The following BRINP2 variants were observed in gnomAD, a reference collection of about 807,000 sequenced individuals.
BRINP2 encodes BMP/retinoic acid inducible neural specific 2, also known as BMP/retinoic acid-inducible neural-specific protein 2.
A neutral mutation model predicts 69.2 loss-of-function variants in BRINP2; 21 were observed. The observed-to-expected ratio is 0.30, with a 90% CI of 0.22 to 0.44. The LOEUF is 0.44. Among genes scored for constraint, BRINP2 ranks in the 20% least tolerant of loss-of-function variants. BRINP2 has a pLI of 1.00. For synonymous variants in BRINP2, 380 were observed against 394.1 expected, an observed-to-expected ratio of 0.96 and a Z score of 0.42; for missense variants, 877 against 986.0, an observed-to-expected ratio of 0.89 and a Z score of 1.48.
chr1:177,237,430 T>C (rs551693436), intron 2 of BRINP2, among the ~76,000 whole-genome samples: 5 of 152,200 alleles, frequency 3.3e-5, no homozygotes, highest in Non-Finnish European at 7.3e-5. Flanking sequence ...ACAGATTTGG[T>C]CTATGGATGC....
intron 2 of BRINP2, among the ~76,000 whole-genome samples, chr1:177,242,511 C>T: frequency 6.6e-6 from 1 of 152,294 alleles, no homozygotes; most frequent in East Asian, 1.9e-4. Context: ...CCCAAAAGCT[C>T]TTTATCTCCT....
chr1:177,215,663 T>A (rs1451727363), intron 1 of BRINP2, among the ~76,000 whole-genome samples: 4 of 152,212 alleles, frequency 2.6e-5, no homozygotes, highest in Admixed American at 6.6e-5. Context: ...TTTCTTTTTT[T>A]AAAATGTTTA....
chr1:177,225,876 C>G (rs1649676604), intron 1 of BRINP2, among the ~76,000 whole-genome samples: 1 of 152,182 alleles, frequency 6.6e-6, no homozygotes, highest in Non-Finnish European at 1.5e-5. Context: ...AAGCGGAAAC[C>G]ATATGATTCC....
Position 177,281,315 on chromosome 1 carries a change from G to T in BRINP2, c.2139G>T (p.Gln713His). ...ACTACCCATATACTCAAGGTTCCCA[G>T]GACTCTGCACTCTTGCAGCTCATTG... The part of the protein sequence containing the change: ...QLDYPYTQGS[Q>H]DSALLQLIEL... Residue 713 changes from glutamine (Q) to histidine (H), a missense_variant, in exon 8 of 8, where the codon CAG becomes CAT. This residue lies in a region of BRINP2 where 225 missense variants were observed against 218.7 expected (regional missense o/e 1.03). Coordinates refer to ENST00000361539, the MANE Select transcript of BRINP2 (RefSeq NM_021165.4). 1.2e-6 allele frequency: 2 copies of T among 1,614,140 alleles called. No homozygotes were observed. Among genetic ancestry groups the T allele is most frequent in the Non-Finnish European group, 1.7e-6 (2 of 1,180,022 alleles).
intron 1 of BRINP2, among the ~76,000 whole-genome samples, chr1:177,202,473 T>C (rs187933610): frequency 1.3e-5 from 2 of 152,322 alleles, no homozygotes. Context: ...AATAGTCATT[T>C]AGGAGCAGGT....
intron 4 of BRINP2, among the ~76,000 whole-genome samples, chr1:177,262,838 G>T (rs1256788472): frequency 6.6e-6 from 1 of 152,150 alleles, no homozygotes; most frequent in Non-Finnish European, 1.5e-5. Context: ...TAAGAGTGTT[G>T]GTTGGCTAGA....
intron 1 of BRINP2, among the ~76,000 whole-genome samples, chr1:177,184,809 TA>T (rs1648381280): frequency 2.0e-5 from 3 of 152,152 alleles, no homozygotes; most frequent in Admixed American, 6.5e-5. Context: ...ACTAGAAAGT[TA>T]ACAAGAATCT....
At chr1:177,258,463 A>T (rs1650840759) in intron 4 of BRINP2, among the ~76,000 whole-genome samples, 1 of 152,258 alleles carries the variant, frequency 6.6e-6, no homozygotes, top group South Asian at 2.1e-4. Flanking sequence ...GCCCTGATAA[A>T]GCTTGAATTC....
Position 177,269,998 on chromosome 1 carries a change from T to G in BRINP2, c.670-3490T>G, listed in dbSNP as rs866619275. On this transcript the variant is annotated intron_variant, in intron 4 of 7. Coordinates refer to ENST00000361539, the MANE Select transcript of BRINP2 (RefSeq NM_021165.4). ...CTCTTTATAATCTGCCAAAGCTGTC[T>G]GCCTCTTCTACAAAGAAAAGTGCAG... is the stretch of plus-strand genomic sequence containing the variant. Among the ~76,000 whole-genome samples the G allele has an allele frequency of 2.7e-5, 4 of 148,624 alleles. No homozygotes were observed. In the South Asian group the frequency reaches 8.6e-4, roughly 32 times the overall value.
intron 1 of BRINP2, among the ~76,000 whole-genome samples, chr1:177,226,189 G>C (rs1340911781): frequency 1.3e-5 from 2 of 152,214 alleles, no homozygotes; most frequent in Admixed American, 1.3e-4. Context: ...CCACCATATT[G>C]CAACACAGGA....
chr1:177,232,528 G>A (rs527944651), intron 2 of BRINP2, among the ~76,000 whole-genome samples: 7 of 152,138 alleles, frequency 4.6e-5, no homozygotes, highest in Admixed American at 1.3e-4. Flanking sequence ...GTCACACACC[G>A]CTGCTTCAGG....
chr1:177,216,412 G>A (rs529671139), intron 1 of BRINP2, among the ~76,000 whole-genome samples: 6 of 152,002 alleles, frequency 3.9e-5, no homozygotes, highest in African/African-American at 1.4e-4. Context: ...TTATGTTTTT[G>A]ATGTCTGAAT....
chr1:177,243,974 G>T lies in BRINP2; in HGVS notation c.270-11945G>T, dbSNP rs181332212. ...TATGTTTAAATGCAGAGGAAGCTGT[G>T]GGGGTGGGGGTGGGAAATTGTCCAT... is the stretch of plus-strand genomic sequence containing the variant. On this transcript the variant is annotated intron_variant, in intron 2 of 7. Transcript: ENST00000361539. 1.3e-3 allele frequency among the ~76,000 whole-genome samples: 191 copies of T among 152,154 alleles called. 1 individual carries two copies. Among genetic ancestry groups the T allele is most frequent in the Middle Eastern group, 3.4e-3 (1 of 294 alleles).
At chr1:177,238,661 C>G (rs1314960228) in intron 2 of BRINP2, among the ~76,000 whole-genome samples, 1 of 152,146 alleles carries the variant, frequency 6.6e-6, no homozygotes, top group Non-Finnish European at 1.5e-5. Flanking sequence ...ACAGCAGGCT[C>G]TCGCCAATCT....
At chr1:177,222,393 C>G (rs1649563553) in intron 1 of BRINP2, among the ~76,000 whole-genome samples, 1 of 152,108 alleles carries the variant, frequency 6.6e-6, no homozygotes, top group Non-Finnish European at 1.5e-5. Context: ...CTCACTGCAA[C>G]CTCCACCTCT....
chr1:177,280,529 C>T lies in BRINP2; in HGVS notation c.1353C>T (p.Ser451=), dbSNP rs1651659079. 1 of 1,614,232 alleles carries T rather than the reference C, an allele frequency of 6.2e-7. No homozygotes were observed. Among genetic ancestry groups the T allele is most frequent in the South Asian group, 1.1e-5 (1 of 91,088 alleles). The change falls in exon 8 of 8, where the codon TCC becomes TCT. Residue 451 remains serine (S), a synonymous_variant. Coordinates refer to ENST00000361539, the MANE Select transcript of BRINP2 (RefSeq NM_021165.4). ...GCACCTGCCCCTATGACCAATCTTC[C>T]TGCCAGGGCCCCATCCCATGTGCCT... is the stretch of plus-strand genomic sequence containing the variant. ...HSCTCPYDQS[S]CQGPIPCALG...
At chr1:177,237,861 C>T (rs1395099382) in intron 2 of BRINP2, among the ~76,000 whole-genome samples, 2 of 152,088 alleles carry the variant, frequency 1.3e-5, no homozygotes, top group African/African-American at 2.4e-5. Context: ...GGGACGCTGT[C>T]GAGTCATATG....
In BRINP2 at chr1:177,230,056, A is replaced by G. The variant is rs376635257; in HGVS notation, c.180A>G (p.Thr60=). 544 of 1,613,868 alleles carry G rather than the reference A, an allele frequency of 3.4e-4. 7 individuals carry two copies. The East Asian group carries it at 0.01, about 31-fold the overall frequency. The change falls in exon 2 of 8, where the codon ACA becomes ACG. Residue 60 remains threonine (T), a synonymous_variant. Transcript: ENST00000361539. ...AGCATCCCCTGGACTGGCTGCTCAC[A>G]GACCGGGGCCCCTTCCACCGCGCTC... The part of the protein sequence containing the change: ...AGQHPLDWLL[T]DRGPFHRAQE...
At chr1:177,222,988 G>A (rs912208972) in intron 1 of BRINP2, among the ~76,000 whole-genome samples, 31 of 152,204 alleles carry the variant, frequency 2.0e-4, no homozygotes, top group African/African-American at 7.5e-4. Flanking sequence ...TTTGGGATGA[G>A]CGACTTTTTA....
Sources: gnomAD v4.1 joint callset for allele counts (sites outside exome capture counted in the v4.1 genomes callset) on GRCh38, gnomAD v4.1.1 for gene constraint, gnomAD v4.1.1 regional missense constraint, MANE v1.5 for transcripts, NCBI Gene and HGNC (gene_info 2026-07-23, HGNC 2026-07-21) for gene names.